Variants in IL1RAPL1 observed in about 807,000 individuals in gnomAD.
IL1RAPL1 encodes the protein interleukin-1 receptor accessory protein-like 1.
IL1RAPL1 carries 3 observed loss-of-function variants against 48.4 expected under a neutral mutation model. The ratio of observed to expected loss-of-function variants is 0.06; its 90% CI spans 0.03 to 0.16. The LOEUF (loss-of-function observed/expected upper bound fraction) is 0.16. Among genes scored for constraint, IL1RAPL1 ranks in the 10% least tolerant of loss-of-function variants. IL1RAPL1 has a pLI of 1.00. For synonymous variants in IL1RAPL1, 185 were observed against 187.7 expected, an observed-to-expected ratio of 0.99 and a Z score of 0.12; for missense variants, 349 against 530.6, an observed-to-expected ratio of 0.66 and a Z score of 3.36.
chrX:29,721,069 G>T (rs1927626408), intron 6 of IL1RAPL1, among the ~76,000 whole-genome samples: 1 of 111,799 alleles, frequency 8.9e-6, no homozygotes, highest in African/African-American at 3.3e-5. Context: ...AGAATCCATG[G>T]AATTGACCAC....
intron 1 of IL1RAPL1, among the ~76,000 whole-genome samples, chrX:28,749,235 T>A (rs1334598970): frequency 8.9e-6 from 1 of 112,090 alleles, no homozygotes; most frequent in Non-Finnish European, 1.9e-5. Context: ...AGTGCAGATA[T>A]CTCTTTGACG....
intron 5 of IL1RAPL1, among the ~76,000 whole-genome samples, chrX:29,646,413 G>C (rs1453518688): frequency 2.7e-5 from 3 of 110,660 alleles, no homozygotes; most frequent in South Asian, 3.7e-4. Context: ...ATGAGAAAAA[G>C]AAAAAAGAAT....
intron 2 of IL1RAPL1, among the ~76,000 whole-genome samples, chrX:29,173,542 A>G (rs1929948656): frequency 9.0e-6 from 1 of 111,603 alleles, no homozygotes; most frequent in Non-Finnish European, 1.9e-5. Context: ...TACTTTCCTT[A>G]TCATTGCTAA....
intron 2 of IL1RAPL1, among the ~76,000 whole-genome samples, chrX:28,843,374 G>A (rs773595746): frequency 3.7e-4 from 41 of 111,149 alleles, no homozygotes; most frequent in African/African-American, 1.0e-3. Flanking sequence ...CTAGCTAGTC[G>A]GGATCATTTT....
chrX:29,801,035 CTCTCCGTCTCAAAAA>C (rs1929874280), intron 6 of IL1RAPL1, among the ~76,000 whole-genome samples: 3 of 3,952 alleles, frequency 7.6e-4, no homozygotes, highest in African/African-American at 1.3e-3. Flanking sequence ...AAAAAAAAAA[CTCTCCGTCTCAAAAA>C]AAAAAAAAAA....
chrX:29,214,538 AAAG>A (rs1930830367), intron 2 of IL1RAPL1, among the ~76,000 whole-genome samples: 2 of 111,701 alleles, frequency 1.8e-5, no homozygotes, highest in Non-Finnish European at 3.8e-5. Flanking sequence ...TCCCATAATA[AAAG>A]AATTAAAATT....
At chrX:29,655,142 T>C (rs1321164844) in intron 5 of IL1RAPL1, among the ~76,000 whole-genome samples, 1 of 111,782 alleles carries the variant, frequency 8.9e-6, no homozygotes, top group African/African-American at 3.3e-5. Context: ...TCTTCTAGTC[T>C]GTTCAGGCAA....
chrX:28,614,870 A>G (rs1934193481), intron 1 of IL1RAPL1, among the ~76,000 whole-genome samples: 1 of 111,112 alleles, frequency 9.0e-6, no homozygotes, highest in Non-Finnish European at 1.9e-5. Context: ...GGTGACTTAC[A>G]TAAACTGTCG....
intron 1 of IL1RAPL1, among the ~76,000 whole-genome samples, chrX:28,709,022 A>G (rs774055977): frequency 8.9e-5 from 10 of 112,163 alleles, no homozygotes; most frequent in Non-Finnish European, 1.7e-4. Context: ...TTGTGCAAAA[A>G]AAGTCCTTAA....
intron 5 of IL1RAPL1, among the ~76,000 whole-genome samples, chrX:29,420,019 G>A (rs948134261): frequency 8.9e-6 from 1 of 111,789 alleles, no homozygotes; most frequent in Non-Finnish European, 1.9e-5. Context: ...ATGTAATGAC[G>A]AAGTAGATAT....
chrX:29,451,257 C>T (rs375337406), intron 5 of IL1RAPL1, among the ~76,000 whole-genome samples: 1 of 107,337 alleles, frequency 9.3e-6, no homozygotes, highest in African/African-American at 3.4e-5. Flanking sequence ...TGCAGTGGTG[C>T]GATCTTGGCT....
intron 6 of IL1RAPL1, among the ~76,000 whole-genome samples, chrX:29,697,722 A>G (rs989680885): frequency 8.9e-6 from 1 of 112,293 alleles, no homozygotes; most frequent in Non-Finnish European, 1.9e-5. Flanking sequence ...CATCTAATGA[A>G]TCACCAAGTT....
intron 5 of IL1RAPL1, among the ~76,000 whole-genome samples, chrX:29,457,772 A>G (rs1934756159): frequency 8.9e-6 from 1 of 112,124 alleles, no homozygotes; most frequent in Admixed American, 9.5e-5. Context: ...AAATCTTCAA[A>G]CTGCTTTCCA....
In IL1RAPL1 at chrX:29,843,771, T is replaced by TTCTC. The variant is rs111705491; in HGVS notation, c.779-73675_779-73672dup. Among the ~76,000 whole-genome samples the TTCTC allele has an allele frequency of 1.6e-3, 164 of 105,278 alleles. 1 individual carries two copies. The highest frequency in any genetic ancestry group is 5.4e-3 in the African/African-American group (156 of 28,943). The allele number at this position is 105,278 out of a possible 115,157, so 91.4% of individuals were successfully genotyped here. On this transcript the variant is annotated intron_variant, in intron 6 of 10. Transcript: ENST00000378993. The stretch of plus-strand genomic sequence containing the variant: ...TTCTCACTTCTCTCTCTCTCTTCAA[T>TTCTC]TCTCTCTCTCTCTCTCTCTCTGTGT...
At chrX:29,263,865 C>A (rs946224777) in intron 2 of IL1RAPL1, among the ~76,000 whole-genome samples, 22 of 99,086 alleles carry the variant, frequency 2.2e-4, no homozygotes, top group African/African-American at 5.2e-4. Flanking sequence ...CTCTCTCCCC[C>A]CCCCCCGCTC....
chrX:28,960,030 T>C, intron 2 of IL1RAPL1, among the ~76,000 whole-genome samples: 1 of 112,085 alleles, frequency 8.9e-6, no homozygotes, highest in East Asian at 2.8e-4. Flanking sequence ...AAAAGATAGA[T>C]AAAGATACAG....
Position 29,870,065 on chromosome X carries a change from G to A in IL1RAPL1, c.779-47399G>A, listed in dbSNP as rs139465810. On this transcript the variant is annotated intron_variant, in intron 6 of 10. Transcript: ENST00000378993. ...GGATCAATTCTGGAAAATGACTGGCGGAAGCTATTAGGCATATTGAATGGG... is the reference window on the plus strand; with the variant it reads ...GGATCAATTCTGGAAAATGACTGGCAGAAGCTATTAGGCATATTGAATGGG... Among the ~76,000 whole-genome samples, 47 of 111,797 alleles carry A rather than the reference G, an allele frequency of 4.2e-4. 1 individual carries two copies. Among genetic ancestry groups the A allele is most frequent in the Admixed American group, 9.5e-4 (10 of 10,559 alleles).
chrX:29,789,002 T>C (rs1929569675), intron 6 of IL1RAPL1, among the ~76,000 whole-genome samples: 1 of 111,920 alleles, frequency 8.9e-6, no homozygotes, highest in Admixed American at 9.5e-5. Flanking sequence ...AATAAACTAG[T>C]TCAGGATATG....
intron 3 of IL1RAPL1, among the ~76,000 whole-genome samples, chrX:29,378,839 A>G (rs1933657403): frequency 8.9e-6 from 1 of 112,112 alleles, no homozygotes; most frequent in Non-Finnish European, 1.9e-5. Flanking sequence ...CCCTCTGATT[A>G]CTTCCACCAT....
Sources: allele counts gnomAD v4.1 joint callset (sites outside exome capture counted in the v4.1 genomes callset), GRCh38; gene constraint gnomAD v4.1.1; transcripts MANE v1.5; gene names NCBI Gene and HGNC (gene_info 2026-07-23, HGNC 2026-07-21).